Variants in TNNI3K observed in about 807,000 individuals in gnomAD.
TNNI3K encodes TNNI3 interacting kinase.
Under a neutral mutation model 114.5 loss-of-function variants are expected in TNNI3K, and 140 were observed. The observed-to-expected ratio is 1.22, with a 90% confidence interval of 1.07 to 1.41. The LOEUF is 1.41. Among genes scored for constraint, TNNI3K ranks in the 40% most tolerant of loss-of-function variants. The pLI, the probability that TNNI3K is intolerant of heterozygous loss-of-function variation, is 0.00. For missense variants in TNNI3K, 1,125 were observed against 1,007.6 expected (o/e 1.12, Z -1.58); for synonymous variants, 347 against 347.5 (o/e 1.00, Z 0.02).
chr1:74,510,201 T>A (rs184626455), intron 23 of TNNI3K, among the ~76,000 whole-genome samples: 1 of 152,248 alleles, frequency 6.6e-6, no homozygotes, highest in East Asian at 1.9e-4. Context: ...GGGCAATCAG[T>A]TCTCACCTTT....
intron 2 of TNNI3K, among the ~76,000 whole-genome samples, chr1:74,238,294 T>G (rs1653981885): frequency 6.6e-6 from 1 of 152,032 alleles, no homozygotes; most frequent in Non-Finnish European, 1.5e-5. Flanking sequence ...CATGGATATG[T>G]TTTTTAATCT....
intron 2 of TNNI3K, among the ~76,000 whole-genome samples, chr1:74,246,249 C>T (rs1350252068): frequency 6.6e-6 from 1 of 152,168 alleles, no homozygotes; most frequent in African/African-American, 2.4e-5. Context: ...CCCTCAAAGC[C>T]AAATATATTA....
intron 5 of TNNI3K, among the ~76,000 whole-genome samples, chr1:74,319,529 C>T (rs1256594445): frequency 6.6e-6 from 1 of 152,000 alleles, no homozygotes; most frequent in African/African-American, 2.4e-5. Flanking sequence ...AGAGAGATTA[C>T]TTGTTATGTC....
At chr1:74,526,363 T>C (rs1172789163) in intron 23 of TNNI3K, among the ~76,000 whole-genome samples, 1 of 152,098 alleles carries the variant, frequency 6.6e-6, no homozygotes, top group Non-Finnish European at 1.5e-5. Context: ...ATAAAATTGG[T>C]TTTGTGATTT....
intron 4 of TNNI3K, among the ~76,000 whole-genome samples, chr1:74,264,284 T>A (rs1434993217): frequency 6.6e-6 from 1 of 151,958 alleles, no homozygotes; most frequent in African/African-American, 2.4e-5. Flanking sequence ...CATATAGGTA[T>A]GAACCTTTGT....
At chr1:74,238,205 A>G (rs1033852223) in intron 2 of TNNI3K, among the ~76,000 whole-genome samples, 2 of 152,070 alleles carry the variant, frequency 1.3e-5, no homozygotes, top group Non-Finnish European at 2.9e-5. Context: ...TAAGAAAGCT[A>G]TGTGAATCAA....
intron 7 of TNNI3K, chr1:74,342,037 C>G (rs1235070744): frequency 6.6e-6 from 1 of 152,114 alleles, no homozygotes; most frequent in African/African-American, 2.4e-5. Context: ...GGATAACAAG[C>G]CTAAACCAGG....
rs143597540 is a variant in TNNI3K, at chr1:74,238,063, A to G, written c.149+1853A>G. Among the ~76,000 whole-genome samples, 347 of 152,110 alleles carry G rather than the reference A, an allele frequency of 2.3e-3. 4 individuals are homozygous for G. The highest frequency in any genetic ancestry group is 7.6e-3 in the African/African-American group (314 of 41,556). ...ACAAGATTTAGGTCCTGATTTATTC[A>G]TTGATTTTTGGAATCATTGTAGATA... On this transcript the variant is annotated intron_variant, in intron 2 of 24. Coordinates refer to ENST00000326637, the MANE Select transcript of TNNI3K (RefSeq NM_015978.3).
intron 5 of TNNI3K, among the ~76,000 whole-genome samples, chr1:74,281,941 A>G (rs1296180908): frequency 6.6e-6 from 1 of 152,040 alleles, no homozygotes; most frequent in East Asian, 1.9e-4. Flanking sequence ...AGTGGTTGAT[A>G]TTTTCAGAAC....
chr1:74,540,518 A>C (rs993681410), intron 24 of TNNI3K, among the ~76,000 whole-genome samples: 1 of 151,626 alleles, frequency 6.6e-6, no homozygotes, highest in Non-Finnish European at 1.5e-5. Flanking sequence ...AGCATGTGTG[A>C]GTGTGCATGA....
intron 6 of TNNI3K, among the ~76,000 whole-genome samples, chr1:74,333,111 C>A (rs1660297572): frequency 6.6e-6 from 1 of 152,036 alleles, no homozygotes; most frequent in Non-Finnish European, 1.5e-5. Flanking sequence ...ACCTTTTTAC[C>A]TTCCTGGAGG....
intron 5 of TNNI3K, among the ~76,000 whole-genome samples, chr1:74,301,461 A>G (rs1658328658): frequency 6.6e-6 from 1 of 152,156 alleles, no homozygotes; most frequent in Admixed American, 6.5e-5. Context: ...CAATCCTAGA[A>G]AAGGTAAAAA....
chr1:74,334,143 A>G (rs549096337), intron 6 of TNNI3K, among the ~76,000 whole-genome samples: 9 of 152,348 alleles, frequency 5.9e-5, no homozygotes, highest in African/African-American at 2.2e-4. Context: ...AACTTTAGCA[A>G]TGAAGAAGCT....
At chr1:74,328,881 A>C (rs948633892) in intron 5 of TNNI3K, among the ~76,000 whole-genome samples, 24 of 152,122 alleles carry the variant, frequency 1.6e-4, no homozygotes, top group African/African-American at 5.8e-4. Flanking sequence ...ACTTTATGCT[A>C]TATTTAAAAT....
In TNNI3K at chr1:74,434,003, C is replaced by T. The variant is rs151069157; in HGVS notation, c.1773-2077C>T. ...CAGATAGGCTCCCAGATATAAACTG[C>T]TCTCAGATATTTTGATGGATCCACT... On this transcript the variant is annotated intron_variant, in intron 17 of 24. Transcript: ENST00000326637. 1.9e-3 allele frequency among the ~76,000 whole-genome samples: 293 copies of T among 152,062 alleles called. 2 individuals are homozygous for T. Among genetic ancestry groups the T allele is most frequent in the African/African-American group, 6.8e-3 (283 of 41,512 alleles).
At chr1:74,474,320 C>T (rs545796058) in intron 21 of TNNI3K, among the ~76,000 whole-genome samples, 2 of 152,268 alleles carry the variant, frequency 1.3e-5, no homozygotes, top group East Asian at 3.9e-4. Flanking sequence ...TTTCTTTCCT[C>T]AGCCATCCCT....
intron 5 of TNNI3K, among the ~76,000 whole-genome samples, chr1:74,289,320 C>T (rs946066391): frequency 1.3e-5 from 2 of 151,792 alleles, no homozygotes; most frequent in Admixed American, 6.6e-5. Flanking sequence ...TTGTTTAAAA[C>T]GTATCCATTT....
intron 2 of TNNI3K, among the ~76,000 whole-genome samples, chr1:74,239,771 A>G (rs1423471326): frequency 6.6e-6 from 1 of 152,172 alleles, no homozygotes; most frequent in African/African-American, 2.4e-5. Flanking sequence ...TACCCACAAC[A>G]TAATAAACAG....
In TNNI3K at chr1:74,428,441, A is replaced by G. The variant is rs1341572; in HGVS notation, c.1773-7639A>G. On this transcript the variant is annotated intron_variant, in intron 17 of 24. Transcript: ENST00000326637. ...TCACAATTTGTATTTGTAGTGAAGA[A>G]CTGCCTTCAAAGGGATTAATGGGGA... 4.1e-3 allele frequency among the ~76,000 whole-genome samples: 619 copies of G among 152,234 alleles called. 8 individuals carry two copies. The highest frequency in any genetic ancestry group is 0.03 in the Admixed American group (455 of 15,288).
Sources: allele counts gnomAD v4.1 joint callset (sites outside exome capture counted in the v4.1 genomes callset), GRCh38; gene constraint gnomAD v4.1.1; transcripts MANE v1.5; gene names NCBI Gene and HGNC (gene_info 2026-07-23, HGNC 2026-07-21).